Variants in ADAMTS18 observed in about 807,000 individuals in gnomAD.
ADAMTS18 encodes the protein ADAM metallopeptidase with thrombospondin type 1 motif 18.
In ADAMTS18, 157 loss-of-function variants were observed where a neutral mutation model predicts 165.9. That is an observed-to-expected ratio of 0.95 (90% CI 0.83 to 1.08). The LOEUF (loss-of-function observed/expected upper bound fraction) is 1.08. ADAMTS18 is among the 50% of genes least tolerant of loss of function. The probability of loss-of-function intolerance (pLI) is 0.00; values close to 1 mark genes in which losing one functional copy is unlikely to be tolerated. For missense variants in ADAMTS18, 2,040 were observed against 1,534.0 expected, an observed-to-expected ratio of 1.33 and a Z score of -5.51; for synonymous variants, 782 against 578.2, an observed-to-expected ratio of 1.35 and a Z score of -5.06.
chr16:77,287,000 T>A (rs1300881596), intron 22 of ADAMTS18, among the ~76,000 whole-genome samples: 4 of 152,116 alleles, frequency 2.6e-5, no homozygotes, highest in African/African-American at 9.7e-5. Context: ...TGGCACTCAG[T>A]ATGGGCAGGG....
At chr16:77,340,909 T>C (rs1395846767) in intron 11 of ADAMTS18, among the ~76,000 whole-genome samples, 1 of 152,212 alleles carries the variant, frequency 6.6e-6, no homozygotes, top group Non-Finnish European at 1.5e-5. Context: ...TTTTTCTGTA[T>C]AGGTTTATAC....
At chr16:77,354,691 A>C (rs1284769584) in intron 9 of ADAMTS18, among the ~76,000 whole-genome samples, 5 of 152,216 alleles carry the variant, frequency 3.3e-5, no homozygotes, top group Admixed American at 6.5e-5. Flanking sequence ...TGACTCTCAT[A>C]AAGGTTGTTA....
intron 13 of ADAMTS18, among the ~76,000 whole-genome samples, chr16:77,322,891 C>A (rs1394714083): frequency 1.3e-5 from 2 of 152,090 alleles, no homozygotes; most frequent in Non-Finnish European, 2.9e-5. Flanking sequence ...AGTTTGATGA[C>A]CCTGATTTAG....
intron 18 of ADAMTS18, among the ~76,000 whole-genome samples, chr16:77,296,324 G>C (rs1240974864): frequency 6.6e-6 from 1 of 152,126 alleles, no homozygotes; most frequent in Non-Finnish European, 1.5e-5. Context: ...CAGCGGTGGA[G>C]TTACCACTTG....
intron 16 of ADAMTS18, among the ~76,000 whole-genome samples, chr16:77,301,011 G>C (rs1218015712): frequency 1.3e-5 from 2 of 152,110 alleles, no homozygotes; most frequent in Admixed American, 6.6e-5. Flanking sequence ...TTCCCAAAGA[G>C]AATTTGTTAA....
At chr16:77,334,422 GTATATATACTGTATATTATAGTATATA>G (rs1164860890) in intron 12 of ADAMTS18, among the ~76,000 whole-genome samples, 3 of 102,114 alleles carry the variant, frequency 2.9e-5, no homozygotes, top group East Asian at 5.3e-4. Context: ...ATATTATATA[GTATATATACTGTATATTATAGTATATA>G]TTATATAGTA....
At chr16:77,293,048 T>C (rs943661498) in intron 20 of ADAMTS18, 28 bp downstream of exon 20, 9 of 1,613,592 alleles carry the variant, frequency 5.6e-6, no homozygotes, top group African/African-American at 1.3e-5. Flanking sequence ...CTCAATCTCC[T>C]GACCCAGCAG....
At chr16:77,317,236 A>C (rs2055903542) in intron 16 of ADAMTS18, among the ~76,000 whole-genome samples, 1 of 152,124 alleles carries the variant, frequency 6.6e-6, no homozygotes, top group African/African-American at 2.4e-5. Context: ...TTATAGCAGG[A>C]GGATTTTCTT....
intron 10 of ADAMTS18, among the ~76,000 whole-genome samples, chr16:77,353,333 T>A (rs1407458783): frequency 6.6e-6 from 1 of 152,186 alleles, no homozygotes; most frequent in Non-Finnish European, 1.5e-5. Context: ...CTGCTAATAG[T>A]TATCCCATAT....
chr16:77,420,841 T>G (rs2057592699), intron 3 of ADAMTS18, among the ~76,000 whole-genome samples: 1 of 152,160 alleles, frequency 6.6e-6, no homozygotes, highest in Non-Finnish European at 1.5e-5. Flanking sequence ...GAAAATTAAT[T>G]TTGAGTAACA....
At chr16:77,334,476 T>C (rs1354500981) in intron 12 of ADAMTS18, among the ~76,000 whole-genome samples, 2 of 112,314 alleles carry the variant, frequency 1.8e-5, no homozygotes, top group Non-Finnish European at 3.3e-5. Flanking sequence ...CTGTATATTA[T>C]AGTATATATT....
At chr16:77,412,989 G>A (rs1011770931) in intron 3 of ADAMTS18, among the ~76,000 whole-genome samples, 2 of 152,002 alleles carry the variant, frequency 1.3e-5, no homozygotes, top group Non-Finnish European at 2.9e-5. Flanking sequence ...GAGACACCAT[G>A]CCTGGCCCTT....
At chr16:77,383,263 C>G (rs1249987516) in intron 3 of ADAMTS18, among the ~76,000 whole-genome samples, 7 of 152,060 alleles carry the variant, frequency 4.6e-5, no homozygotes, top group Non-Finnish European at 8.8e-5. Flanking sequence ...CACCATCATG[C>G]TCTATCACTA....
At chr16:77,349,233 C>T (rs984889329) in intron 10 of ADAMTS18, among the ~76,000 whole-genome samples, 28 of 152,068 alleles carry the variant, frequency 1.8e-4, no homozygotes, top group African/African-American at 6.3e-4. Flanking sequence ...GCTGGGAACT[C>T]GGTCACACAA....
rs2144570747 is a variant in ADAMTS18, at chr16:77,293,057, A to G, written c.3189+19T>C. ...GATGGTCTCAATCTCCTGACCCAGC[A>G]GTGACTTCTAATCCATACCTCGCTC... is the stretch of plus-strand genomic sequence containing the variant. On this transcript the variant is annotated intron_variant, in intron 20 of 22. Coordinates refer to ENST00000282849, the MANE Select transcript of ADAMTS18 (RefSeq NM_199355.4). The G allele has an allele frequency of 3.7e-6, 6 of 1,613,848 alleles. No individual in the cohort carries two copies. The highest frequency in any genetic ancestry group is 4.2e-6 in the Non-Finnish European group (5 of 1,179,902).
At chr16:77,327,136 C>T (rs1028417386) in intron 12 of ADAMTS18, among the ~76,000 whole-genome samples, 15 of 152,180 alleles carry the variant, frequency 9.9e-5, no homozygotes, top group African/African-American at 1.7e-4. Context: ...TTTGCTATCA[C>T]GACTAGTGCT....
chr16:77,379,855 G>C (rs959628845), intron 3 of ADAMTS18, among the ~76,000 whole-genome samples: 1 of 152,106 alleles, frequency 6.6e-6, no homozygotes, highest in African/African-American at 2.4e-5. Context: ...AGCACTTCAA[G>C]GTCACTTCAC....
In ADAMTS18 at chr16:77,363,915, CT is replaced by C. The variant is rs2056753388; in HGVS notation, c.973-31del. 5 of 1,610,026 alleles carry C rather than the reference CT, an allele frequency of 3.1e-6. No individual in the cohort carries two copies. In the African/African-American group the frequency reaches 6.7e-5, roughly 21 times the overall value. On this transcript the variant is annotated intron_variant, in intron 5 of 22. Transcript: ENST00000282849. ...TGGAACAATGGAAATCAAACAAAAT[CT>C]CAAAATTTTCAAAACCTTAGGGGGA...
At chr16:77,333,872 ATATAG>A (rs1464332925) in intron 12 of ADAMTS18, among the ~76,000 whole-genome samples, 2 of 105,894 alleles carry the variant, frequency 1.9e-5, no homozygotes, top group Admixed American at 8.9e-5. Flanking sequence ...ACTATATTAT[ATATAG>A]TATATTAGTA....
Sources: allele counts gnomAD v4.1 joint callset (sites outside exome capture counted in the v4.1 genomes callset), GRCh38; gene constraint gnomAD v4.1.1; transcripts MANE v1.5; gene names NCBI Gene and HGNC (gene_info 2026-07-23, HGNC 2026-07-21).